The following GNG12 variants were observed in gnomAD, a reference collection of about 807,000 sequenced individuals.
GNG12 encodes G protein subunit gamma 12.
For synonymous variants in GNG12, 28 were observed against 29.7 expected, an observed-to-expected ratio of 0.94 and a Z score of 0.19; for missense variants, 69 against 83.8, an observed-to-expected ratio of 0.82 and a Z score of 0.69.
chr1:67,777,456 A>G lies in GNG12; in HGVS notation c.-27+2T>C. 1.1e-6 allele frequency: 1 copy of G among 901,264 alleles called. No individual in the cohort carries two copies. Among genetic ancestry groups the G allele is most frequent in the African/African-American group, 1.8e-5 (1 of 55,802 alleles). The allele number at this position is 901,264 out of a possible 1,614,324, so 55.8% of individuals were successfully genotyped here. A position where few individuals can be genotyped will look rare whatever the true frequency, so the allele number is the denominator to read the frequency against. ...ACTTTGTTTAAGAAATGAAGAACTT[A>G]CCAGTAAGACTTTGTGTGGTCCAAT... On this transcript the variant is annotated splice_donor_variant, in intron 2 of 3. Coordinates refer to ENST00000370982, the MANE Select transcript of GNG12 (RefSeq NM_018841.6). LOFTEE classifies it low-confidence loss of function (5UTR_SPLICE).
chr1:67,725,467 C>T (rs1394870018), intron 2 of GNG12, among the ~76,000 whole-genome samples: 1 of 152,026 alleles, frequency 6.6e-6, no homozygotes, highest in African/African-American at 2.4e-5. Context: ...TTGTGTTGGC[C>T]CTCATGGTTA....
In GNG12 at chr1:67,829,112, G is replaced by C. The variant is rs952598607; in HGVS notation, c.-77+4232C>G. 2.0e-5 allele frequency among the ~76,000 whole-genome samples: 3 copies of C among 152,134 alleles called. No individual in the cohort carries two copies. In the South Asian group the frequency reaches 6.2e-4, roughly 32 times the overall value. ...CATTGTGGAAAATAGGGGAAAAGCA[G>C]GTTGGGGGTGGGAGAGCACCATAAT... On this transcript the variant is annotated intron_variant, in intron 1 of 3. Coordinates refer to ENST00000370982, the MANE Select transcript of GNG12 (RefSeq NM_018841.6).
intron 2 of GNG12, among the ~76,000 whole-genome samples, chr1:67,744,312 C>T (rs112801423): frequency 1.3e-5 from 2 of 152,112 alleles, no homozygotes; most frequent in Non-Finnish European, 2.9e-5. Context: ...CGGGTGCCTA[C>T]TAAGCAAGAT....
intron 2 of GNG12, among the ~76,000 whole-genome samples, chr1:67,776,240 G>A (rs935144237): frequency 5.3e-5 from 8 of 152,112 alleles, no homozygotes; most frequent in African/African-American, 1.9e-4. Context: ...AGAATGGGGT[G>A]AAGGAATGGG....
intron 1 of GNG12, among the ~76,000 whole-genome samples, chr1:67,786,935 A>ATATATATATGTG (rs1332684243): frequency 7.5e-6 from 1 of 133,410 alleles, no homozygotes; most frequent in African/African-American, 3.0e-5. Flanking sequence ...TTATATATAT[A>ATATATATATGTG]TGTGTGTGTG....
chr1:67,729,536 C>T (rs958700801), intron 2 of GNG12, among the ~76,000 whole-genome samples: 23 of 152,206 alleles, frequency 1.5e-4, no homozygotes, highest in Non-Finnish European at 2.5e-4. Context: ...ACCTCCCTTC[C>T]GAGTCCCCTG....
chr1:67,826,829 T>C (rs1368917765), intron 1 of GNG12, among the ~76,000 whole-genome samples: 1 of 152,244 alleles, frequency 6.6e-6, no homozygotes, highest in African/African-American at 2.4e-5. Flanking sequence ...ATGTTTTTCC[T>C]CTGCAATAAT....
chr1:67,720,271 G>A (rs936849319), intron 2 of GNG12, among the ~76,000 whole-genome samples: 1 of 152,204 alleles, frequency 6.6e-6, no homozygotes, highest in Non-Finnish European at 1.5e-5. Flanking sequence ...TAAGTTTTCA[G>A]CTGGTGAAGG....
intron 1 of GNG12, among the ~76,000 whole-genome samples, chr1:67,783,037 A>C (rs987633632): frequency 2.0e-5 from 3 of 152,196 alleles, no homozygotes; most frequent in African/African-American, 7.2e-5. Context: ...AATTTCCTAA[A>C]GTGTAAAATA....
chr1:67,727,861 G>A (rs938406816), intron 2 of GNG12, among the ~76,000 whole-genome samples: 2 of 152,158 alleles, frequency 1.3e-5, no homozygotes, highest in Non-Finnish European at 2.9e-5. Flanking sequence ...AATTTAGCAT[G>A]CAAATTTATG....
rs1557620802 is a variant in GNG12 at position 67,796,779 on chromosome 1, T to G, written c.-76-19272A>C. On this transcript the variant is annotated intron_variant, in intron 1 of 3. Transcript: ENST00000370982. ...TTTTGTGTTGCTATAAAGTAATACT[T>G]GAGGCTGGATAATTTAGATAAAAAA... Among the ~76,000 whole-genome samples, 4 of 152,312 alleles carry G rather than the reference T, an allele frequency of 2.6e-5. No individual in the cohort carries two copies. In the East Asian group the frequency reaches 7.7e-4, roughly 29 times the overall value.
intron 2 of GNG12, among the ~76,000 whole-genome samples, chr1:67,766,746 G>A (rs893609154): frequency 9.9e-5 from 15 of 152,050 alleles, no homozygotes; most frequent in African/African-American, 3.6e-4. Context: ...CTGGAGGTCT[G>A]AGTGCCTGCC....
intron 2 of GNG12, among the ~76,000 whole-genome samples, chr1:67,766,098 G>GCACACACACA (rs1278948416): frequency 1.1e-4 from 11 of 100,886 alleles, no homozygotes; most frequent in East Asian, 2.7e-4. Context: ...ACAAAACAAG[G>GCACACACACA]CACACACGCA....
In GNG12 at chr1:67,770,397, C is replaced by T. The variant is rs140152756; in HGVS notation, c.-27+7061G>A. ...GAACCAAAATGTGAGAGGGAGCTGACGCTGGCTAAACCAGCAGGGTGGATG... is the reference window on the plus strand; with the variant it reads ...GAACCAAAATGTGAGAGGGAGCTGATGCTGGCTAAACCAGCAGGGTGGATG... On this transcript the variant is annotated intron_variant, in intron 2 of 3. Transcript: ENST00000370982. Among the ~76,000 whole-genome samples the T allele has an allele frequency of 6.4e-3, 973 of 152,242 alleles. 28 individuals carry two copies. The highest frequency in any genetic ancestry group is 4.2e-3 in the Non-Finnish European group (285 of 68,012).
chr1:67,815,273 A>C (rs1646947595), intron 1 of GNG12, among the ~76,000 whole-genome samples: 1 of 152,232 alleles, frequency 6.6e-6, no homozygotes, highest in Admixed American at 6.5e-5. Flanking sequence ...CCTGATAAAA[A>C]TAAGAAATGC....
chr1:67,812,438 A>T (rs1646931486), intron 1 of GNG12, among the ~76,000 whole-genome samples: 1 of 152,196 alleles, frequency 6.6e-6, no homozygotes, highest in Non-Finnish European at 1.5e-5. Flanking sequence ...GTCACTGATA[A>T]TCACTAGAGA....
intron 2 of GNG12, among the ~76,000 whole-genome samples, chr1:67,745,791 T>C (rs1463522566): frequency 1.3e-5 from 2 of 152,214 alleles, no homozygotes; most frequent in East Asian, 1.9e-4. Context: ...GGAAATGACG[T>C]GTAGCACCTA....
chr1:67,794,003 T>C (rs1419057664), intron 1 of GNG12, among the ~76,000 whole-genome samples: 4 of 152,156 alleles, frequency 2.6e-5, no homozygotes, highest in African/African-American at 9.7e-5. Context: ...TAAACTCTCA[T>C]AGAGAGACAT....
chr1:67,793,618 C>T (rs1179254284), intron 1 of GNG12, among the ~76,000 whole-genome samples: 1 of 152,008 alleles, frequency 6.6e-6, no homozygotes, highest in Non-Finnish European at 1.5e-5. Flanking sequence ...CCACTGCAGT[C>T]TGCATCCCTC....
Sources: gnomAD v4.1 joint callset for allele counts (sites outside exome capture counted in the v4.1 genomes callset) on GRCh38, gnomAD v4.1.1 for gene constraint, MANE v1.5 for transcripts, NCBI Gene and HGNC (gene_info 2026-07-23, HGNC 2026-07-21) for gene names.